TUBA8: variants seen among roughly 807,000 people sequenced by gnomAD.
The protein encoded by TUBA8 is tubulin alpha-8 chain.
Under a neutral mutation model 34.7 loss-of-function variants are expected in TUBA8, and 29 were observed. That is an observed-to-expected ratio of 0.84 (90% CI 0.62 to 1.14). The LOEUF (loss-of-function observed/expected upper bound fraction) is 1.14. Ranked by LOEUF, TUBA8 falls within the 50% of genes most tolerant of loss-of-function variation. The pLI, the probability that TUBA8 is intolerant of heterozygous loss-of-function variation, is 0.00. For synonymous variants in TUBA8, 226 were observed against 231.2 expected (o/e 0.98, Z 0.21); for missense variants, 541 against 599.2 (o/e 0.90, Z 1.01).
In TUBA8 at chr22:18,121,500, G is replaced by C. The variant is rs754337553; in HGVS notation, c.25G>C (p.Val9Leu). Residue 9 changes from valine to leucine, a missense_variant, in exon 2 of 5, where the codon GTG (valine) becomes CTG (leucine). By Grantham distance (32) the Val-to-Leu change is conservative. Transcript: ENST00000330423. The surrounding 1 kb of genome is among the most constrained non-coding windows in gnomAD (Gnocchi z 4.8). MRECISVH[V>L]GQAGVQIGNA... The stretch of plus-strand genomic sequence containing the variant: ...ACAGCGGGAATGCATATCAGTCCAC[G>C]TGGGCCAAGCGGGAGTTCAGATTGG... 1.1e-5 allele frequency: 17 copies of C among 1,614,046 alleles called. No homozygotes were observed. In the Admixed American group the frequency reaches 2.8e-4, roughly 27 times the overall value.
intron 1 of TUBA8, chr22:18,113,766 C>G (rs1180092866): frequency 6.6e-6 from 1 of 152,534 alleles, no homozygotes; most frequent in Non-Finnish European, 1.5e-5. Context: ...CCCCTCCCAT[C>G]ACAAAAGGCA....
At position 18,121,797 on chromosome 22, in the gene TUBA8, G is replaced by C; in HGVS notation, c.226+96G>C. The C allele has an allele frequency of 8.0e-7, 1 of 1,243,682 alleles. No homozygotes were observed. The highest frequency in any genetic ancestry group is 1.1e-6 in the Non-Finnish European group (1 of 874,488). The allele number at this position is 1,243,682 out of a possible 1,614,324, so 77.0% of individuals were successfully genotyped here. A position where few individuals can be genotyped will look rare whatever the true frequency, so the allele number is the denominator to read the frequency against. ...AAGGAAGCAGCGTCTCTAGCTGGAA[G>C]GTGGGGATGGTGCAACCGCAGCCTC... is the stretch of plus-strand genomic sequence containing the variant. On this transcript the variant is annotated intron_variant, in intron 2 of 4. Coordinates refer to ENST00000330423, the MANE Select transcript of TUBA8 (RefSeq NM_018943.3). This position sits in a 1 kb window ranked among gnomAD's most constrained non-coding sequence, Gnocchi z 4.8.
intron 1 of TUBA8, chr22:18,112,399 C>G (rs1265514844): frequency 2.0e-5 from 3 of 152,160 alleles, no homozygotes; most frequent in Non-Finnish European, 2.9e-5. Flanking sequence ...AGGCTGCATA[C>G]TCTAGAATTG....
chr22:18,127,108 C>T (rs1466051045), intron 4 of TUBA8, 74 bp downstream of exon 4: 3 of 1,504,804 alleles, frequency 2.0e-6, no homozygotes, highest in East Asian at 2.3e-5. Flanking sequence ...TATGCAATTC[C>T]ATGGGCGCTT....
rs1325698597 is a variant in TUBA8, at chr22:18,124,943, G to A, written c.375+639G>A. ...TGGAAAAGCTTGGACCTGATCACATGTTCTTTCCCTGGGAGGTAAGGGTGC... is the reference window on the plus strand; with the variant it reads ...TGGAAAAGCTTGGACCTGATCACATATTCTTTCCCTGGGAGGTAAGGGTGC... On this transcript the variant is annotated intron_variant, in intron 3 of 4. Transcript: ENST00000330423. The surrounding 1 kb of genome is among the most constrained non-coding windows in gnomAD (Gnocchi z 4.3). 6.6e-6 allele frequency: 1 copy of A among 152,146 alleles called. No homozygotes were observed. The highest frequency in any genetic ancestry group is 1.5e-5 in the Non-Finnish European group (1 of 68,044). The allele number at this position is 152,146 out of a possible 1,614,324, so 9.4% of individuals were successfully genotyped here.
In TUBA8 at chr22:18,127,003, A is replaced by G. The variant is rs757811997; in HGVS notation, c.1025A>G (p.Gln342Arg). Residue 342 changes from glutamine to arginine, a missense_variant, in exon 4 of 5, where the codon CAG (glutamine) becomes CGG (arginine). Physicochemically the swap from Gln to Arg is conservative, Grantham distance 43. Coordinates refer to ENST00000330423, the MANE Select transcript of TUBA8 (RefSeq NM_018943.3). ...IAAIKTKRTI[Q>R]FVDWCPTGFK... ...GCCATCAAGACCAAGAGGACCATCCAGTTTGTAGACTGGTGTCCCACAGGC... is the reference window on the plus strand; with the variant it reads ...GCCATCAAGACCAAGAGGACCATCCGGTTTGTAGACTGGTGTCCCACAGGC... The G allele has an allele frequency of 6.2e-7, 1 of 1,614,114 alleles. No individual in the cohort carries two copies. Among genetic ancestry groups the G allele is most frequent in the South Asian group, 1.1e-5 (1 of 91,078 alleles).
chr22:18,130,654 C>T, intron 4 of TUBA8, 189 bp from the exon 5 acceptor site: 1 of 663,832 alleles, frequency 1.5e-6, no homozygotes, highest in Non-Finnish European at 2.6e-6. Context: ...TCCACTTTCT[C>T]TTCAGCTTCT....
rs1270367236 is a variant in TUBA8, at chr22:18,121,510, C to A, written c.35C>A (p.Ala12Glu). 6.2e-7 allele frequency: 1 copy of A among 1,614,164 alleles called. No individual in the cohort carries two copies. Among genetic ancestry groups the A allele is most frequent in the East Asian group, 2.2e-5 (1 of 44,882 alleles). ...TGCATATCAGTCCACGTGGGCCAAG[C>A]GGGAGTTCAGATTGGCAATGCCTGC... ...RECISVHVGQAGVQIGNACWE... is the reference protein window; with the variant it reads ...RECISVHVGQEGVQIGNACWE... Residue 12 changes from alanine to glutamate, a missense_variant, in exon 2 of 5, where the codon GCG becomes GAG. Ala to Glu is a moderately radical substitution (Grantham distance 107). Transcript: ENST00000330423. This position sits in a 1 kb window ranked among gnomAD's most constrained non-coding sequence, Gnocchi z 4.8.
chr22:18,131,178 T>C lies in TUBA8; in HGVS notation c.*42T>C. The C allele has an allele frequency of 1.9e-6, 3 of 1,591,356 alleles. No homozygotes were observed. The highest frequency in any genetic ancestry group is 2.6e-6 in the Non-Finnish European group (3 of 1,161,324). On this transcript the variant is annotated 3_prime_UTR_variant, in exon 5 of 5. Transcript: ENST00000330423. This position sits in a 1 kb window ranked among gnomAD's most constrained non-coding sequence, Gnocchi z 5.3. ...TGGCTGTGTCTCTTTATTTATGCTG[T>C]GCCATTCAAAGCACATGTTCAAGAG...
Position 18,111,506 on chromosome 22 carries a change from G to A in TUBA8, c.3+638G>A, listed in dbSNP as rs78586869. On this transcript the variant is annotated intron_variant, in intron 1 of 4. Coordinates refer to ENST00000330423, the MANE Select transcript of TUBA8 (RefSeq NM_018943.3). This position sits in a 1 kb window ranked among gnomAD's most constrained non-coding sequence, Gnocchi z 5.1. The stretch of plus-strand genomic sequence containing the variant: ...GGAGTAAGAAGTCTCTGCTTCCAAA[G>A]GCCAGGGGACCTTCGACCTGTTTCC... The A allele has an allele frequency of 0.019, 2,873 of 152,984 alleles. 84 individuals are homozygous for A. Among genetic ancestry groups the A allele is most frequent in the African/African-American group, 0.064 (2,668 of 41,522 alleles). 9.5% of individuals were successfully genotyped at this position (152,984 alleles called of 1,614,324 possible).
At chr22:18,125,129 C>G (rs910377021) in intron 3 of TUBA8, 2 of 152,208 alleles carry the variant, frequency 1.3e-5, no homozygotes, top group African/African-American at 4.8e-5. Flanking sequence ...GTGCTTACAA[C>G]GTATCAGGCC....
intron 4 of TUBA8, chr22:18,128,629 C>T (rs1299294350): frequency 1.3e-5 from 2 of 152,248 alleles, no homozygotes; most frequent in Non-Finnish European, 2.9e-5. Context: ...TCACTGCAAA[C>T]TTTGCCTCCC....
In TUBA8 at chr22:18,111,053, A is replaced by G. The variant is rs113714009; in HGVS notation, c.3+185A>G. On this transcript the variant is annotated intron_variant, in intron 1 of 4. Transcript: ENST00000330423. The surrounding 1 kb of genome is among the most constrained non-coding windows in gnomAD (Gnocchi z 5.1). The stretch of plus-strand genomic sequence containing the variant: ...GGGAACACCCGGTGCCCTTTATCGT[A>G]TGGGGGAAATAGAGACCAGGGGCCA... 2,718 of 828,038 alleles carry G rather than the reference A, an allele frequency of 3.3e-3. 26 individuals carry two copies. The highest frequency in any genetic ancestry group is 0.026 in the African/African-American group (1,534 of 58,946). The allele number at this position is 828,038 out of a possible 1,614,324, so 51.3% of individuals were successfully genotyped here.
rs1928164222 is a variant in TUBA8, at chr22:18,121,964, C to T, written c.226+263C>T. The stretch of plus-strand genomic sequence containing the variant: ...CGGCACCAGGTCAAAATGGTCACAT[C>T]GCTACTAAATACTAAGGATAAGAAA... On this transcript the variant is annotated intron_variant, in intron 2 of 4. Transcript: ENST00000330423. The surrounding 1 kb of genome is among the most constrained non-coding windows in gnomAD (Gnocchi z 4.8). 5.9e-6 allele frequency: 3 copies of T among 509,310 alleles called. No homozygotes were observed. The highest frequency in any genetic ancestry group is 1.1e-5 in the Non-Finnish European group (3 of 281,718). The allele number at this position is 509,310 out of a possible 1,614,324, so 31.5% of individuals were successfully genotyped here.
In TUBA8 at chr22:18,121,807, G is replaced by C; in HGVS notation, c.226+106G>C. 4 of 1,133,774 alleles carry C rather than the reference G, an allele frequency of 3.5e-6. No homozygotes were observed. The highest frequency in any genetic ancestry group is 3.8e-6 in the Non-Finnish European group (3 of 780,256). 70.2% of individuals were successfully genotyped at this position (1,133,774 alleles called of 1,614,324 possible). On this transcript the variant is annotated intron_variant, in intron 2 of 4. Transcript: ENST00000330423. The surrounding 1 kb of genome is among the most constrained non-coding windows in gnomAD (Gnocchi z 4.8). ...CGTCTCTAGCTGGAAGGTGGGGATG[G>C]TGCAACCGCAGCCTCCCACCCCACG...
At chr22:18,123,679 A>T (rs572619119) in intron 2 of TUBA8, 117 of 190,232 alleles carry the variant, frequency 6.2e-4, no homozygotes, top group Non-Finnish European at 1.0e-3. Flanking sequence ...GGTTGAAGAG[A>T]TTCTCCTGCC....
intron 4 of TUBA8, chr22:18,130,307 C>T (rs1340151955): frequency 6.1e-6 from 1 of 164,414 alleles, no homozygotes; most frequent in African/African-American, 2.4e-5. Context: ...CAGACACCTC[C>T]CACCCGCTCC....
chr22:18,126,274 T>G lies in TUBA8; in HGVS notation c.376-80T>G. 9.7e-6 allele frequency: 13 copies of G among 1,334,536 alleles called. No individual in the cohort carries two copies. The highest frequency in any genetic ancestry group is 1.4e-5 in the Non-Finnish European group (13 of 930,246). 82.7% of individuals were successfully genotyped at this position (1,334,536 alleles called of 1,614,324 possible). On this transcript the variant is annotated intron_variant, in intron 3 of 4. Transcript: ENST00000330423. The surrounding 1 kb of genome is among the most constrained non-coding windows in gnomAD (Gnocchi z 4.0). ...ACAAAAAAATATGAGGCAGACAGAG[T>G]GGGCGGTCTGGCTTTTTTACTGTGG...
intron 4 of TUBA8, chr22:18,129,242 GAGAA>G (rs982214596): frequency 6.6e-6 from 1 of 152,198 alleles, no homozygotes; most frequent in African/African-American, 2.4e-5. Context: ...GGGGAAAAAA[GAGAA>G]TGAATGAGAG....
Sources: allele counts gnomAD v4.1 joint callset, GRCh38; gene constraint gnomAD v4.1.1; non-coding constraint Gnocchi (gnomAD v3.1); transcripts MANE v1.5; gene names NCBI Gene and HGNC (gene_info 2026-07-23, HGNC 2026-07-21).